Variants in MPDZ observed in about 807,000 individuals in gnomAD.
MPDZ encodes the protein multiple PDZ domain crumbs cell polarity complex component, also known as multiple PDZ domain protein.
MPDZ carries 234 observed loss-of-function variants against 239.1 expected under a neutral mutation model. The ratio of observed to expected loss-of-function variants is 0.98; its 90% confidence interval spans 0.88 to 1.09. The LOEUF (loss-of-function observed/expected upper bound fraction) is 1.09. Ranked by LOEUF, MPDZ falls within the 50% of genes least tolerant of loss-of-function variation. The probability of loss-of-function intolerance (pLI) is 0.00; values close to 1 mark genes in which losing one functional copy is unlikely to be tolerated. For missense variants in MPDZ, 3,175 were observed against 2,510.0 expected, an observed-to-expected ratio of 1.26 and a Z score of -5.66; for synonymous variants, 1,048 against 881.3, an observed-to-expected ratio of 1.19 and a Z score of -3.35.
chr9:13,220,033 T>C (rs1448645629), intron 7 of MPDZ, among the ~76,000 whole-genome samples: 2 of 152,006 alleles, frequency 1.3e-5, no homozygotes, highest in Admixed American at 6.6e-5. Context: ...CAAGAGTTCA[T>C]ATGAACTTTT....
At chr9:13,224,016 A>C (rs1959702323) in intron 4 of MPDZ, among the ~76,000 whole-genome samples, 1 of 152,010 alleles carries the variant, frequency 6.6e-6, no homozygotes, top group Admixed American at 6.6e-5. Context: ...TGTGGGTGAC[A>C]GAGCAAGGCA....
chr9:13,263,053 T>A (rs1416154824), intron 1 of MPDZ, among the ~76,000 whole-genome samples: 3 of 152,098 alleles, frequency 2.0e-5, no homozygotes, highest in Non-Finnish European at 2.9e-5. Flanking sequence ...TGTATTTTTA[T>A]AATGGTTTTA....
chr9:13,136,329 T>A, intron 30 of MPDZ, 147 bp from the exon 31 acceptor site: 1 of 382,638 alleles, frequency 2.6e-6, no homozygotes, highest in Non-Finnish European at 4.5e-6. Flanking sequence ...CGTTTTCTTT[T>A]TTTTTTTTTT....
intron 3 of MPDZ, among the ~76,000 whole-genome samples, chr9:13,236,267 A>ATTT (rs1158772302): frequency 1.5e-4 from 3 of 20,102 alleles, no homozygotes; most frequent in African/African-American, 3.6e-4. Flanking sequence ...ATATATATAT[A>ATTT]TTTTTTTTTT....
At chr9:13,222,042 T>A (rs1243057430) in intron 6 of MPDZ, among the ~76,000 whole-genome samples, 191 bp downstream of exon 6, 1 of 152,080 alleles carries the variant, frequency 6.6e-6, no homozygotes, top group Non-Finnish European at 1.5e-5. Flanking sequence ...CAAAGAAAAG[T>A]AATTGTTGTT....
chr9:13,194,799 G>A (rs1955429378), intron 13 of MPDZ, among the ~76,000 whole-genome samples: 2 of 152,004 alleles, frequency 1.3e-5, no homozygotes, highest in South Asian at 2.1e-4. Context: ...ATTACCACCC[G>A]AAGGACTGCA....
chr9:13,245,957 G>C (rs1966490740), intron 3 of MPDZ, among the ~76,000 whole-genome samples: 2 of 152,070 alleles, frequency 1.3e-5, no homozygotes, highest in East Asian at 3.9e-4. Flanking sequence ...TATCCCAACA[G>C]ACTTGCTAGC....
intron 45 of MPDZ, 143 bp downstream of exon 45, chr9:13,109,809 C>T (rs1302402626): frequency 2.3e-5 from 15 of 652,942 alleles, no homozygotes; most frequent in Non-Finnish European, 3.4e-5. Context: ...TTAGAAGCAC[C>T]TGATATGTAT....
At chr9:13,133,066 A>C (rs1229454314) in intron 32 of MPDZ, among the ~76,000 whole-genome samples, 2 of 152,232 alleles carry the variant, frequency 1.3e-5, no homozygotes, top group Admixed American at 1.3e-4. Flanking sequence ...AAAATCATTC[A>C]TTATAAAGTA....
At chr9:13,119,383 C>T (rs997330792) in intron 39 of MPDZ, 119 bp downstream of exon 39, 2 of 1,239,480 alleles carry the variant, frequency 1.6e-6, no homozygotes, top group Non-Finnish European at 2.2e-6. Context: ...TTGCACCTGG[C>T]CTTGAGGTGA....
intron 40 of MPDZ, among the ~76,000 whole-genome samples, chr9:13,114,573 T>C (rs1046713985): frequency 3.3e-5 from 5 of 152,212 alleles, no homozygotes; most frequent in Admixed American, 2.0e-4. Flanking sequence ...TTCAGTTGAA[T>C]ATTGATTGAT....
At chr9:13,221,526 T>C in intron 6 of MPDZ, 26 bp from the exon 7 acceptor site, 1 of 1,598,624 alleles carries the variant, frequency 6.3e-7, no homozygotes, top group Non-Finnish European at 8.5e-7. Flanking sequence ...ATATATGAAT[T>C]TGTAGAAATT....
At chr9:13,277,833 G>A (rs559260844) in intron 1 of MPDZ, among the ~76,000 whole-genome samples, 7 of 152,286 alleles carry the variant, frequency 4.6e-5, no homozygotes, top group African/African-American at 1.7e-4. Flanking sequence ...CCAAAGTGCT[G>A]GGATTACAAG....
At chr9:13,244,038 T>C (rs190029104) in intron 3 of MPDZ, among the ~76,000 whole-genome samples, 12 of 152,346 alleles carry the variant, frequency 7.9e-5, no homozygotes, top group Admixed American at 7.2e-4. Context: ...AAAAATAATC[T>C]TAGCAATGTC....
chr9:13,161,131 A>C (rs184144346), intron 23 of MPDZ, among the ~76,000 whole-genome samples: 1 of 151,910 alleles, frequency 6.6e-6, no homozygotes, highest in East Asian at 2.0e-4. Context: ...TTTATTAAAC[A>C]AATAACATAC....
intron 1 of MPDZ, among the ~76,000 whole-genome samples, chr9:13,273,664 T>C (rs1854665): frequency 0.15 from 22,516 of 152,170 alleles, 1,881 homozygotes; most frequent in Non-Finnish European, 0.16. Context: ...TGTAATTTTG[T>C]CTGTAGCCAC....
intron 4 of MPDZ, among the ~76,000 whole-genome samples, chr9:13,224,077 TCAGAATCATTTC>T (rs1959734877): frequency 6.6e-6 from 1 of 151,838 alleles, no homozygotes; most frequent in South Asian, 2.1e-4. Flanking sequence ...AGTCATCTTA[TCAGAATCATTTC>T]TTTGTTAAAA....
At chr9:13,226,209 A>G (rs943653411) in intron 3 of MPDZ, among the ~76,000 whole-genome samples, 8 of 152,138 alleles carry the variant, frequency 5.3e-5, no homozygotes, top group Admixed American at 3.9e-4. Flanking sequence ...AAGTACAATG[A>G]CACACGTAAC....
Position 13,186,213 on chromosome 9 carries a change from G to A in MPDZ, c.2481+57C>T, listed in dbSNP as rs886357320. 6.5e-6 allele frequency: 6 copies of A among 925,568 alleles called. No individual in the cohort carries two copies. The African/African-American group carries it at 8.5e-5, about 13-fold the overall frequency. The allele number at this position is 925,568 out of a possible 1,614,324, so 57.3% of individuals were successfully genotyped here. A position where few individuals can be genotyped will look rare whatever the true frequency, so the allele number is the denominator to read the frequency against. ...AGACTTCTTCAGAATATTTTGAAAG[G>A]CAAAGTAAGACATATCAGGTTTCTG... On this transcript the variant is annotated intron_variant, in intron 18 of 46. Transcript: ENST00000319217.
Sources: gnomAD v4.1 joint callset for allele counts (sites outside exome capture counted in the v4.1 genomes callset) on GRCh38, gnomAD v4.1.1 for gene constraint, MANE v1.5 for transcripts, NCBI Gene and HGNC (gene_info 2026-07-23, HGNC 2026-07-21) for gene names.